ZNF547: variants seen among roughly 807,000 people sequenced by gnomAD.
The protein encoded by ZNF547 is zinc finger protein 547.
ZNF547 carries 4 observed loss-of-function variants against 7.7 expected under a neutral mutation model. The observed-to-expected ratio is 0.52, with a 90% CI of 0.26 to 1.20. The LOEUF is 1.20. Ranked by LOEUF, ZNF547 falls within the 50% of genes most tolerant of loss-of-function variation. The pLI, the probability that ZNF547 is intolerant of heterozygous loss-of-function variation, is 0.14. For missense variants in ZNF547, 449 were observed against 485.8 expected (o/e 0.92, Z 0.71); for synonymous variants, 166 against 166.2 (o/e 1.00, Z 0.01).
At chr19:57,364,758 G>T (rs2088451078) in intron 1 of ZNF547, 1 of 1,253,976 alleles carries the variant, frequency 8.0e-7, no homozygotes, top group African/African-American at 1.5e-5. Flanking sequence ...GGTGCGGAGC[G>T]CGGGTCTCTT....
intron 1 of ZNF547, chr19:57,368,134 GA>G (rs1165693305): frequency 6.2e-6 from 1 of 161,016 alleles, no homozygotes; most frequent in African/African-American, 2.4e-5. Flanking sequence ...ACATACCATG[GA>G]AAATTTTAGT....
In ZNF547 at chr19:57,378,228, C is replaced by G; in HGVS notation, c.*43C>G. On this transcript the variant is annotated 3_prime_UTR_variant, in exon 4 of 4. Transcript: ENST00000282282. ...TGGATATGGGAAAGCCTTCAGTCACCAACATATTGTGGCTGGACAGCAGGC... is the reference window on the plus strand; with the variant it reads ...TGGATATGGGAAAGCCTTCAGTCACGAACATATTGTGGCTGGACAGCAGGC... 1 of 1,541,800 alleles carries G rather than the reference C, an allele frequency of 6.5e-7. No homozygotes were observed. Among genetic ancestry groups the G allele is most frequent in the South Asian group, 1.2e-5 (1 of 83,510 alleles).
At chr19:57,371,654 A>G in intron 2 of ZNF547, 128 bp from the exon 3 acceptor site, 1 of 1,404,236 alleles carries the variant, frequency 7.1e-7, no homozygotes, top group Admixed American at 2.3e-5. Context: ...GGGGAGATGG[A>G]AACACATTTA....
chr19:57,368,366 G>C (rs1402737496), intron 1 of ZNF547, 178 bp from the exon 2 acceptor site: 10 of 599,440 alleles, frequency 1.7e-5, no homozygotes, highest in East Asian at 1.1e-4. Flanking sequence ...AGCAGGTTCA[G>C]TTCTTTTCTA....
chr19:57,377,482 A>ATAAACT lies in ZNF547; in HGVS notation c.508_513dup (p.Lys170_Leu171dup). On this transcript the variant is annotated inframe_insertion, in exon 4 of 4. Transcript: ENST00000282282. ...TGTGGGAAAGCCTTTAGCCACAAAC[A>ATAAACT]TAAACTTTCTGACCATCAGAAAATC... 1 of 1,613,922 alleles carries ATAAACT rather than the reference A, an allele frequency of 6.2e-7. No individual in the cohort carries two copies. Among genetic ancestry groups the ATAAACT allele is most frequent in the South Asian group, 1.1e-5 (1 of 91,064 alleles).
At chr19:57,364,832 C>T (rs1181157594) in intron 1 of ZNF547, 1 of 1,602,922 alleles carries the variant, frequency 6.2e-7, no homozygotes, top group Non-Finnish European at 8.5e-7. Flanking sequence ...ATATTGAAGA[C>T]CATGTCTGGA....
intron 1 of ZNF547, chr19:57,364,788 G>T: frequency 6.7e-7 from 1 of 1,494,210 alleles, no homozygotes; most frequent in South Asian, 1.2e-5. Flanking sequence ...CTGACATTGC[G>T]TTTCCGTTGT....
At chr19:57,364,909 G>A (rs1324708132) in intron 1 of ZNF547, 1 of 1,612,490 alleles carries the variant, frequency 6.2e-7, no homozygotes, top group Admixed American at 1.7e-5. Flanking sequence ...TTTGCCAGCT[G>A]GGAAGGCAGA....
intron 3 of ZNF547, among the ~76,000 whole-genome samples, chr19:57,376,163 AAAAT>A (rs1453799131): frequency 2.6e-5 from 4 of 152,182 alleles, no homozygotes; most frequent in East Asian, 1.9e-4. Flanking sequence ...ACTCAGTCTC[AAAAT>A]AAATAAATAA....
At chr19:57,365,456 T>G (rs575730439) in intron 1 of ZNF547, 1 of 531,788 alleles carries the variant, frequency 1.9e-6, no homozygotes, top group African/African-American at 1.9e-5. Flanking sequence ...AGTATTTCCT[T>G]GTGAACAATG....
At chr19:57,364,736 G>T in intron 1 of ZNF547, 1 of 1,013,662 alleles carries the variant, frequency 9.9e-7, no homozygotes, top group East Asian at 2.6e-5. Context: ...GCGAGATTCC[G>T]TGTCAAAAAA....
chr19:57,378,301 T>C lies in ZNF547; in HGVS notation c.*116T>C, dbSNP rs1196362522. Reference sequence around the variant, plus strand: ...AATGCCGTGAACGTGGGTAATTATGTAGGTACAGCTCTCCAGTCGCTATGT... The same window carrying C: ...AATGCCGTGAACGTGGGTAATTATGCAGGTACAGCTCTCCAGTCGCTATGT... On this transcript the variant is annotated 3_prime_UTR_variant, in exon 4 of 4. Coordinates refer to ENST00000282282, the MANE Select transcript of ZNF547 (RefSeq NM_173631.4). The C allele has an allele frequency of 1.1e-6, 1 of 909,160 alleles. No homozygotes were observed. Among genetic ancestry groups the C allele is most frequent in the Non-Finnish European group, 1.7e-6 (1 of 585,494 alleles). 56.3% of individuals were successfully genotyped at this position (909,160 alleles called of 1,614,324 possible).
chr19:57,367,241 C>T (rs1253559785), intron 1 of ZNF547, among the ~76,000 whole-genome samples: 2 of 152,148 alleles, frequency 1.3e-5, no homozygotes, highest in African/African-American at 2.4e-5. Flanking sequence ...GTAGATCTTA[C>T]TGTAAAATAG....
chr19:57,375,395 A>T (rs573701692), intron 3 of ZNF547, among the ~76,000 whole-genome samples: 1 of 150,360 alleles, frequency 6.7e-6, no homozygotes, highest in South Asian at 2.1e-4. Flanking sequence ...CCACTCCGGT[A>T]ATCCCAGCAC....
At chr19:57,376,192 C>T (rs575493801) in intron 3 of ZNF547, among the ~76,000 whole-genome samples, 5 of 152,170 alleles carry the variant, frequency 3.3e-5, no homozygotes, top group African/African-American at 1.2e-4. Flanking sequence ...CATGAGATCT[C>T]AGGAGAACTC....
intron 1 of ZNF547, chr19:57,365,103 A>G: frequency 1.2e-6 from 2 of 1,608,450 alleles, no homozygotes; most frequent in Non-Finnish European, 1.7e-6. Context: ...ATGACATAAG[A>G]CAAGAAGATG....
chr19:57,366,171 T>A (rs2088468178), intron 1 of ZNF547, among the ~76,000 whole-genome samples: 1 of 142,328 alleles, frequency 7.0e-6, no homozygotes, highest in Non-Finnish European at 1.5e-5. Flanking sequence ...CCATGAAATA[T>A]TTTTTACTTA....
chr19:57,364,299 AG>A (rs1933742416), intron 1 of ZNF547: 2 of 154,260 alleles, frequency 1.3e-5, no homozygotes, highest in South Asian at 3.9e-4. Flanking sequence ...TGGGGAAGTC[AG>A]CAGCATGAGA....
chr19:57,378,520 C>G lies in ZNF547; in HGVS notation c.*335C>G, dbSNP rs1475483860. On this transcript the variant is annotated 3_prime_UTR_variant, in exon 4 of 4. Transcript: ENST00000282282. The stretch of plus-strand genomic sequence containing the variant: ...GAATATCCACACTAGTGAAAGTCTT[C>G]TGAGTACAGCAAATGTGTGACATTA... 1 of 456,808 alleles carries G rather than the reference C, an allele frequency of 2.2e-6. No individual in the cohort carries two copies. The highest frequency in any genetic ancestry group is 2.0e-5 in the African/African-American group (1 of 50,226). 28.3% of individuals were successfully genotyped at this position (456,808 alleles called of 1,614,324 possible). A position where few individuals can be genotyped will look rare whatever the true frequency, so the allele number is the denominator to read the frequency against.
Sources: allele counts gnomAD v4.1 joint callset (sites outside exome capture counted in the v4.1 genomes callset), GRCh38; gene constraint gnomAD v4.1.1; transcripts MANE v1.5; gene names NCBI Gene and HGNC (gene_info 2026-07-23, HGNC 2026-07-21).